FMN2: variants seen among roughly 807,000 people sequenced by gnomAD.
FMN2 encodes the protein formin 2.
FMN2 carries 51 observed loss-of-function variants against 142.3 expected under a neutral mutation model. The ratio of observed to expected loss-of-function variants is 0.36; its 90% CI spans 0.29 to 0.45. The LOEUF (loss-of-function observed/expected upper bound fraction) is 0.45. Among genes scored for constraint, FMN2 ranks in the 20% least tolerant of loss-of-function variants. The pLI is 1.00. For synonymous variants in FMN2, 882 were observed against 869.8 expected, an observed-to-expected ratio of 1.01 and a Z score of -0.25; for missense variants, 1,936 against 2,122.8, an observed-to-expected ratio of 0.91 and a Z score of 1.73.
intron 16 of FMN2, among the ~76,000 whole-genome samples, chr1:240,452,315 G>A (rs1343423298): frequency 6.6e-6 from 1 of 152,118 alleles, no homozygotes; most frequent in South Asian, 2.1e-4. Context: ...AAAGTTGACA[G>A]GCAAGAATCC....
chr1:240,213,904 C>G (rs1666787460), intron 6 of FMN2, among the ~76,000 whole-genome samples: 1 of 152,218 alleles, frequency 6.6e-6, no homozygotes. Flanking sequence ...GATTCCTCAG[C>G]TGGGCACATT....
chr1:240,442,214 C>G (rs1035290091), intron 16 of FMN2, among the ~76,000 whole-genome samples: 1 of 152,232 alleles, frequency 6.6e-6, no homozygotes, highest in Non-Finnish European at 1.5e-5. Flanking sequence ...AACTTCCCAG[C>G]TAGGCTGTTT....
intron 8 of FMN2, among the ~76,000 whole-genome samples, chr1:240,295,189 TACACACACACACACAC>T (rs67137806): frequency 6.9e-5 from 10 of 144,080 alleles, no homozygotes; most frequent in Non-Finnish European, 1.1e-4. Context: ...GTGCACTTCA[TACACACACACACACAC>T]ACACACACAC....
At chr1:240,100,928 T>A (rs190507533) in intron 1 of FMN2, among the ~76,000 whole-genome samples, 1 of 152,348 alleles carries the variant, frequency 6.6e-6, no homozygotes, top group East Asian at 1.9e-4. Flanking sequence ...GAGTCTTTTT[T>A]TGTACTTCAT....
At chr1:240,464,516 T>G (rs1348998195) in intron 16 of FMN2, among the ~76,000 whole-genome samples, 1 of 152,178 alleles carries the variant, frequency 6.6e-6, no homozygotes, top group East Asian at 1.9e-4. Context: ...ATGGGAGGAA[T>G]ACATTTGTGG....
chr1:240,111,269 G>A lies in FMN2; in HGVS notation c.1616-11910G>A, dbSNP rs572385642. On this transcript the variant is annotated intron_variant, in intron 1 of 17. Coordinates refer to ENST00000319653, the MANE Select transcript of FMN2 (RefSeq NM_020066.5). ...GAGGCATCAGTGTTATCGGAAAGGGGTCCCAATCCAGACCCTAAGAGAGGG... is the reference window on the plus strand; with the variant it reads ...GAGGCATCAGTGTTATCGGAAAGGGATCCCAATCCAGACCCTAAGAGAGGG... 2.6e-5 allele frequency among the ~76,000 whole-genome samples: 4 copies of A among 152,240 alleles called. No homozygotes were observed. In the South Asian group the frequency reaches 8.3e-4, roughly 32 times the overall value.
At chr1:240,214,726 A>C (rs1224666024) in intron 6 of FMN2, among the ~76,000 whole-genome samples, 1 of 152,052 alleles carries the variant, frequency 6.6e-6, no homozygotes, top group Admixed American at 6.6e-5. Flanking sequence ...AATGTTTGTA[A>C]TGACCCTAAG....
At chr1:240,267,945 T>C (rs890364124) in intron 7 of FMN2, among the ~76,000 whole-genome samples, 1 of 151,936 alleles carries the variant, frequency 6.6e-6, no homozygotes, top group African/African-American at 2.4e-5. Flanking sequence ...GAAATGCAAA[T>C]CCAAATCATT....
intron 2 of FMN2, among the ~76,000 whole-genome samples, chr1:240,150,398 A>G (rs1414950702): frequency 1.3e-5 from 2 of 152,240 alleles, no homozygotes; most frequent in Non-Finnish European, 2.9e-5. Context: ...GTGCTCATTA[A>G]TTATGAACAA....
Position 240,231,132 on chromosome 1 carries a change from T to C in FMN2, c.4065+19897T>C, listed in dbSNP as rs1240619321. Among the ~76,000 whole-genome samples the C allele has an allele frequency of 1.5e-5, 2 of 131,910 alleles. 1 individual carries two copies. Among genetic ancestry groups the C allele is most frequent in the African/African-American group, 6.5e-5 (2 of 30,798 alleles). 86.5% of individuals were successfully genotyped at this position (131,910 alleles called of 152,430 possible). Reference sequence around the variant, plus strand: ...GTAATGCCAGCCTTCTTCTCAATACTGCCACACACGAAGCAGGTAGACACA... The same window carrying C: ...GTAATGCCAGCCTTCTTCTCAATACCGCCACACACGAAGCAGGTAGACACA... On this transcript the variant is annotated intron_variant, in intron 6 of 17. Coordinates refer to ENST00000319653, the MANE Select transcript of FMN2 (RefSeq NM_020066.5).
chr1:240,294,954 G>A, intron 8 of FMN2, 71 bp downstream of exon 8: 1 of 1,381,436 alleles, frequency 7.2e-7, no homozygotes, highest in Non-Finnish European at 1.0e-6. Flanking sequence ...TGCACATATA[G>A]GCTCTTTGTT....
intron 3 of FMN2, among the ~76,000 whole-genome samples, chr1:240,183,032 T>C (rs1300850088): frequency 6.6e-6 from 1 of 151,692 alleles, no homozygotes; most frequent in Admixed American, 6.6e-5. Context: ...TCCTTCCACC[T>C]CAGCCTCCCA....
At chr1:240,105,254 G>A (rs967230435) in intron 1 of FMN2, among the ~76,000 whole-genome samples, 5 of 151,520 alleles carry the variant, frequency 3.3e-5, no homozygotes, top group African/African-American at 7.3e-5. Context: ...GATTACAGGC[G>A]CCCACCACCA....
chr1:240,290,793 G>GTT (rs761547443), intron 7 of FMN2, among the ~76,000 whole-genome samples: 40 of 84,722 alleles, frequency 4.7e-4, no homozygotes, highest in South Asian at 7.5e-4. Flanking sequence ...TTTTTTTTTT[G>GTT]TTTTTTTTTT....
In FMN2 at chr1:240,295,253, G is replaced by A. The variant is rs538331079; in HGVS notation, c.4215+370G>A. Among the ~76,000 whole-genome samples, 5 of 151,422 alleles carry A rather than the reference G, an allele frequency of 3.3e-5. No individual in the cohort carries two copies. The South Asian group carries it at 1.0e-3, about 32-fold the overall frequency. ...ACACACACTTAAAATTTTAAAATAT[G>A]TAACTGAAAAAGATTGAATACATTC... On this transcript the variant is annotated intron_variant, in intron 8 of 17. Coordinates refer to ENST00000319653, the MANE Select transcript of FMN2 (RefSeq NM_020066.5).
chr1:240,110,919 G>T (rs1458092710), intron 1 of FMN2, among the ~76,000 whole-genome samples: 1 of 151,498 alleles, frequency 6.6e-6, no homozygotes, highest in South Asian at 2.1e-4. Flanking sequence ...AAAACTTGGT[G>T]GATGAAGATA....
chr1:240,092,623 G>A lies in FMN2; in HGVS notation c.514G>A (p.Gly172Arg), dbSNP rs142782397. Reference protein sequence around the residue: ...DVETAAGAQDGQRTSSGSDTD... With the variant: ...DVETAAGAQDRQRTSSGSDTD... ...GGAAACTGCAGCAGGGGCGCAGGAT[G>A]GACAAAGGACCAGCTCGGGCTCGGA... Residue 172 changes from glycine to arginine, a missense_variant, in exon 1 of 18, where the codon GGA becomes AGA. By Grantham distance (125) the Gly-to-Arg change is moderately radical. Around this residue, in one of 8 missense-constraint regions of FMN2, gnomAD observed 751 missense variants for 791.8 expected, o/e 0.95. Coordinates refer to ENST00000319653, the MANE Select transcript of FMN2 (RefSeq NM_020066.5). 1.1e-5 allele frequency: 18 copies of A among 1,613,994 alleles called. No homozygotes were observed. The African/African-American group carries it at 2.4e-4, about 22-fold the overall frequency.
chr1:240,472,856 A>G (rs1676856094), intron 17 of FMN2, among the ~76,000 whole-genome samples: 1 of 151,666 alleles, frequency 6.6e-6, no homozygotes. Flanking sequence ...GAGGCAGAGG[A>G]ATCGCTTGAA....
intron 1 of FMN2, among the ~76,000 whole-genome samples, chr1:240,099,196 A>C (rs1255870273): frequency 2.0e-5 from 3 of 152,188 alleles, no homozygotes; most frequent in Admixed American, 6.5e-5. Flanking sequence ...CTTAAAAAAA[A>C]AGTCATTGTT....
Sources: allele counts gnomAD v4.1 joint callset (sites outside exome capture counted in the v4.1 genomes callset), GRCh38; gene constraint gnomAD v4.1.1; regional missense constraint gnomAD v4.1.1; transcripts MANE v1.5; gene names NCBI Gene and HGNC (gene_info 2026-07-23, HGNC 2026-07-21).